CPPED1: variants seen among roughly 807,000 people sequenced by gnomAD.
The protein encoded by CPPED1 is serine/threonine-protein phosphatase CPPED1.
In CPPED1, 28 loss-of-function variants were observed where a neutral mutation model predicts 28.0. The observed-to-expected ratio is 1.00, with a 90% CI of 0.74 to 1.37. The LOEUF (loss-of-function observed/expected upper bound fraction) is 1.37, where lower values mean the gene tolerates loss of function less well. CPPED1 is among the 40% of genes most tolerant of loss of function. The pLI is 0.00. For missense variants in CPPED1, 504 were observed against 416.5 expected, an observed-to-expected ratio of 1.21 and a Z score of -1.83; for synonymous variants, 198 against 180.2, an observed-to-expected ratio of 1.10 and a Z score of -0.79.
chr16:12,718,097 G>A (rs1282351244), intron 2 of CPPED1, among the ~76,000 whole-genome samples: 1 of 152,210 alleles, frequency 6.6e-6, no homozygotes, highest in Non-Finnish European at 1.5e-5. Flanking sequence ...CAAGAACTCT[G>A]TCAGGGGAAG....
At chr16:12,702,723 T>C (rs1242579549) in intron 3 of CPPED1, among the ~76,000 whole-genome samples, 3 of 152,048 alleles carry the variant, frequency 2.0e-5, no homozygotes, top group Non-Finnish European at 2.9e-5. Flanking sequence ...TCTGGCCAGC[T>C]GCGGTGGCTC....
intron 2 of CPPED1, among the ~76,000 whole-genome samples, chr16:12,740,575 G>C (rs1054053757): frequency 6.6e-6 from 1 of 152,096 alleles, no homozygotes; most frequent in Non-Finnish European, 1.5e-5. Flanking sequence ...GAGGACAATA[G>C]AAGGGCCTCA....
intron 1 of CPPED1, among the ~76,000 whole-genome samples, chr16:12,795,953 T>C (rs1385949952): frequency 6.6e-6 from 1 of 151,770 alleles, no homozygotes; most frequent in Non-Finnish European, 1.5e-5. Context: ...TGCAGTGGCA[T>C]GCACCTGTAG....
At chr16:12,798,733 T>C (rs977588350) in intron 1 of CPPED1, among the ~76,000 whole-genome samples, 2 of 152,236 alleles carry the variant, frequency 1.3e-5, no homozygotes, top group South Asian at 4.1e-4. Flanking sequence ...TTTATCTTGA[T>C]CTCTCTCCCT....
At chr16:12,707,072 T>C (rs902474381) in intron 2 of CPPED1, among the ~76,000 whole-genome samples, 5 of 152,202 alleles carry the variant, frequency 3.3e-5, no homozygotes, top group African/African-American at 1.2e-4. Context: ...CTGACTTACA[T>C]GATCCTCTCT....
chr16:12,750,668 T>C (rs1340666723), intron 2 of CPPED1, among the ~76,000 whole-genome samples: 1 of 152,086 alleles, frequency 6.6e-6, no homozygotes, highest in African/African-American at 2.4e-5. Flanking sequence ...AATATGCTGT[T>C]GAAAAAATGA....
intron 2 of CPPED1, among the ~76,000 whole-genome samples, chr16:12,777,164 G>A (rs1280815911): frequency 3.3e-5 from 5 of 152,190 alleles, no homozygotes; most frequent in Non-Finnish European, 7.3e-5. Flanking sequence ...AAGTGCAGCT[G>A]AATACATGAA....
intron 2 of CPPED1, among the ~76,000 whole-genome samples, chr16:12,724,800 T>C (rs2080160630): frequency 6.6e-6 from 1 of 152,326 alleles, no homozygotes; most frequent in East Asian, 1.9e-4. Context: ...TTTTTCTTTT[T>C]TTTTGAGACG....
intron 2 of CPPED1, among the ~76,000 whole-genome samples, chr16:12,728,352 A>C (rs936983177): frequency 5.9e-5 from 9 of 152,206 alleles, no homozygotes; most frequent in African/African-American, 1.7e-4. Flanking sequence ...TTGTTATATT[A>C]ATAGAAATAA....
chr16:12,780,756 C>G (rs547903973), intron 2 of CPPED1, among the ~76,000 whole-genome samples: 3 of 149,924 alleles, frequency 2.0e-5, no homozygotes, highest in African/African-American at 7.4e-5. Flanking sequence ...AAAGGGAATC[C>G]TGTTTTAAGT....
Position 12,665,778 on chromosome 16 carries a change from G to A in CPPED1, c.716-663C>T, listed in dbSNP as rs539050383. 1.3e-3 allele frequency among the ~76,000 whole-genome samples: 193 copies of A among 152,240 alleles called. 1 individual carries two copies. Among genetic ancestry groups the A allele is most frequent in the African/African-American group, 4.4e-3 (183 of 41,562 alleles). On this transcript the variant is annotated intron_variant, in intron 3 of 3. Transcript: ENST00000381774. ...TCTCATACTAAAAAATACAAAAATT[G>A]GCTAGGCGTGGTGGCAGGTGCCTGC...
At chr16:12,734,226 T>C (rs752947998) in intron 2 of CPPED1, among the ~76,000 whole-genome samples, 21 of 151,938 alleles carry the variant, frequency 1.4e-4, no homozygotes, top group Non-Finnish European at 2.5e-4. Context: ...TGCACCACCA[T>C]GCCCAGCTAA....
chr16:12,742,860 A>G (rs1275989109), intron 2 of CPPED1, among the ~76,000 whole-genome samples: 1 of 152,204 alleles, frequency 6.6e-6, no homozygotes, highest in African/African-American at 2.4e-5. Context: ...ACAAAAAACG[A>G]GATCAGCAAA....
At chr16:12,775,740 T>C (rs1410619759) in intron 2 of CPPED1, among the ~76,000 whole-genome samples, 4 of 152,166 alleles carry the variant, frequency 2.6e-5, no homozygotes, top group African/African-American at 9.7e-5. Flanking sequence ...GCGCACAAGG[T>C]TTGGAAACAG....
intron 2 of CPPED1, among the ~76,000 whole-genome samples, chr16:12,725,369 C>T (rs980692115): frequency 9.2e-5 from 14 of 152,198 alleles, no homozygotes; most frequent in Non-Finnish European, 1.9e-4. Flanking sequence ...GTTGGGATTA[C>T]AGGCATAAGC....
rs3074348 is a variant in CPPED1, at chr16:12,663,061, GTTT to G, written c.*1822_*1824del. The G allele has an allele frequency of 1.1e-3, 138 of 131,128 alleles. No homozygotes were observed. The highest frequency in any genetic ancestry group is 2.0e-3 in the South Asian group (8 of 4,088). 8.1% of individuals were successfully genotyped at this position (131,128 alleles called of 1,614,324 possible). ...TCAAGTCTCAATGTGTGTGTGTGTG[GTTT>G]TTTTTTTTTTTTTTTGAGACAGAGT... On this transcript the variant is annotated 3_prime_UTR_variant, in exon 4 of 4. Transcript: ENST00000381774.
intron 2 of CPPED1, among the ~76,000 whole-genome samples, chr16:12,717,949 A>T (rs2080116202): frequency 6.6e-6 from 1 of 152,076 alleles, no homozygotes; most frequent in Admixed American, 6.6e-5. Context: ...ACTTGTTCCT[A>T]TATTTTTCTT....
At chr16:12,747,591 AC>A (rs2080298547) in intron 2 of CPPED1, among the ~76,000 whole-genome samples, 1 of 152,120 alleles carries the variant, frequency 6.6e-6, no homozygotes, top group Admixed American at 6.6e-5. Flanking sequence ...ATGTGTAAAA[AC>A]CTACACACAA....
intron 2 of CPPED1, among the ~76,000 whole-genome samples, chr16:12,728,822 C>A (rs1451262497): frequency 6.6e-6 from 1 of 152,172 alleles, no homozygotes; most frequent in Admixed American, 6.5e-5. Flanking sequence ...AGGCGAGAGG[C>A]AAGGCCCAGG....
Sources: allele counts gnomAD v4.1 joint callset (sites outside exome capture counted in the v4.1 genomes callset), GRCh38; gene constraint gnomAD v4.1.1; transcripts MANE v1.5; gene names NCBI Gene and HGNC (gene_info 2026-07-23, HGNC 2026-07-21).